Variants in EPHA6 observed in about 807,000 individuals in gnomAD.
EPHA6 encodes the protein EPH receptor A6, also known as ephrin type-A receptor 6.
EPHA6 carries 50 observed loss-of-function variants against 112.0 expected under a neutral mutation model. That is an observed-to-expected ratio of 0.45 (90% CI 0.36 to 0.56). The LOEUF (loss-of-function observed/expected upper bound fraction) is 0.56, where lower values mean the gene tolerates loss of function less well. Ranked by LOEUF, EPHA6 falls within the 20% of genes least tolerant of loss-of-function variation. The pLI is 0.00. For synonymous variants in EPHA6, 529 were observed against 490.7 expected, an observed-to-expected ratio of 1.08 and a Z score of -1.03; for missense variants, 1,280 against 1,417.4, an observed-to-expected ratio of 0.90 and a Z score of 1.56.
intron 3 of EPHA6, among the ~76,000 whole-genome samples, chr3:97,003,989 T>C (rs1277884321): frequency 6.6e-6 from 1 of 152,230 alleles, no homozygotes; most frequent in African/African-American, 2.4e-5. Context: ...TTTTTATGGC[T>C]GCATAGTATT....
At chr3:97,321,148 ACTT>A (rs1422971582) in intron 5 of EPHA6, among the ~76,000 whole-genome samples, 1 of 151,920 alleles carries the variant, frequency 6.6e-6, no homozygotes, top group Non-Finnish European at 1.5e-5. Context: ...ATGGTTTACT[ACTT>A]ATCTATTTGA....
intron 3 of EPHA6, among the ~76,000 whole-genome samples, chr3:97,176,314 G>A (rs2076834154): frequency 6.6e-6 from 1 of 151,796 alleles, no homozygotes; most frequent in Admixed American, 6.6e-5. Flanking sequence ...TTTAGTTGAG[G>A]ATTTTTTCAT....
intron 3 of EPHA6, among the ~76,000 whole-genome samples, chr3:97,071,183 T>C (rs2046342495): frequency 6.6e-6 from 1 of 151,994 alleles, no homozygotes; most frequent in Admixed American, 6.6e-5. Flanking sequence ...CACTATTCCT[T>C]CTTCAGCTTG....
chr3:97,315,907 A>G (rs1008713872), intron 5 of EPHA6, among the ~76,000 whole-genome samples: 1 of 151,804 alleles, frequency 6.6e-6, no homozygotes, highest in Non-Finnish European at 1.5e-5. Context: ...AAGTTTGTAT[A>G]GAATTTCAAA....
At chr3:96,815,077 T>C (rs2032654789) in intron 1 of EPHA6, 69 bp downstream of exon 1, 1 of 1,419,214 alleles carries the variant, frequency 7.0e-7, no homozygotes, top group Non-Finnish European at 9.3e-7. Context: ...AGGGTACTGG[T>C]TGCCTCCTGC....
intron 5 of EPHA6, among the ~76,000 whole-genome samples, chr3:97,371,909 T>A (rs2085080775): frequency 6.6e-6 from 1 of 152,104 alleles, no homozygotes. Context: ...CTTATTAGGA[T>A]GAGGAAATTC....
intron 5 of EPHA6, among the ~76,000 whole-genome samples, chr3:97,383,366 G>A (rs1207976986): frequency 1.3e-5 from 2 of 151,936 alleles, no homozygotes; most frequent in African/African-American, 4.8e-5. Context: ...CCCATATTTG[G>A]CTAACAAGTA....
In EPHA6 at chr3:96,846,187, G is replaced by A. The variant is rs372032244; in HGVS notation, c.386-20638G>A. ...TTTTCTGTATATCCTTGTCCCTAAT[G>A]TAAACTGTATTTTGATTGTGAGTAG... is the stretch of plus-strand genomic sequence containing the variant. On this transcript the variant is annotated intron_variant, in intron 1 of 17. Coordinates refer to ENST00000389672, the MANE Select transcript of EPHA6 (RefSeq NM_001080448.3). Among the ~76,000 whole-genome samples, 4 of 152,094 alleles carry A rather than the reference G, an allele frequency of 2.6e-5. No individual in the cohort carries two copies. The East Asian group carries it at 5.8e-4, about 22-fold the overall frequency.
At chr3:97,628,398 T>C (rs1405521041) in intron 13 of EPHA6, among the ~76,000 whole-genome samples, 1 of 151,956 alleles carries the variant, frequency 6.6e-6, no homozygotes, top group Non-Finnish European at 1.5e-5. Flanking sequence ...CTAATATACA[T>C]AAAACTCCTA....
rs565876907 is a variant in EPHA6 at position 97,577,073 on chromosome 3, G to A, written c.2387-15539G>A. ...ACTGTGTCTCCCAGGCTGGAGTGCAGTGGTACAATCATGGCCTACTGCAGA... is the reference window on the plus strand; with the variant it reads ...ACTGTGTCTCCCAGGCTGGAGTGCAATGGTACAATCATGGCCTACTGCAGA... On this transcript the variant is annotated intron_variant, in intron 11 of 17. Transcript: ENST00000389672. 2.6e-5 allele frequency among the ~76,000 whole-genome samples: 4 copies of A among 152,258 alleles called. No homozygotes were observed. The South Asian group carries it at 8.3e-4, about 32-fold the overall frequency.
intron 11 of EPHA6, among the ~76,000 whole-genome samples, chr3:97,566,058 C>T (rs1192976087): frequency 6.6e-6 from 1 of 151,350 alleles, no homozygotes; most frequent in African/African-American, 2.4e-5. Context: ...AATTGGCTCA[C>T]AGTTCTGCGA....
chr3:97,309,944 T>G (rs1414263523), intron 5 of EPHA6, among the ~76,000 whole-genome samples: 1 of 151,752 alleles, frequency 6.6e-6, no homozygotes, highest in South Asian at 2.1e-4. Flanking sequence ...TACTTTATAA[T>G]AACTTTGAAC....
chr3:97,391,835 C>G (rs2086415832), intron 5 of EPHA6, among the ~76,000 whole-genome samples: 1 of 151,840 alleles, frequency 6.6e-6, no homozygotes, highest in African/African-American at 2.4e-5. Flanking sequence ...TGGGAACTCT[C>G]TTCTAAAATG....
At chr3:97,458,653 AATATTGTTACATAAGT>A (rs1469398004) in intron 7 of EPHA6, among the ~76,000 whole-genome samples, 1 of 152,144 alleles carries the variant, frequency 6.6e-6, no homozygotes, top group Non-Finnish European at 1.5e-5. Context: ...CATTATTTTA[AATATTGTTACATAAGT>A]TGTTACCCTT....
chr3:97,038,759 T>TA (rs2045203514), intron 3 of EPHA6, among the ~76,000 whole-genome samples: 1 of 152,046 alleles, frequency 6.6e-6, no homozygotes, highest in Non-Finnish European at 1.5e-5. Flanking sequence ...GTTGTCTACT[T>TA]CAGTCTTACT....
At chr3:97,656,579 C>CT (rs1344095521) in intron 14 of EPHA6, among the ~76,000 whole-genome samples, 4 of 151,630 alleles carry the variant, frequency 2.6e-5, no homozygotes, top group African/African-American at 7.3e-5. Flanking sequence ...AAATAAATAC[C>CT]TTTTTTTCTT....
intron 11 of EPHA6, among the ~76,000 whole-genome samples, chr3:97,551,602 T>G (rs2093029811): frequency 6.6e-6 from 1 of 152,156 alleles, no homozygotes; most frequent in South Asian, 2.1e-4. Flanking sequence ...CATAGCCATA[T>G]ATTATATATA....
chr3:97,201,281 A>G (rs1465605513), intron 3 of EPHA6, among the ~76,000 whole-genome samples: 2 of 152,120 alleles, frequency 1.3e-5, no homozygotes, highest in Admixed American at 1.3e-4. Flanking sequence ...TTTACTCACT[A>G]AACACATCTA....
chr3:97,691,004 C>T (rs2107707615), intron 14 of EPHA6, among the ~76,000 whole-genome samples: 1 of 152,218 alleles, frequency 6.6e-6, no homozygotes, highest in Non-Finnish European at 1.5e-5. Flanking sequence ...GTCTAAGAAA[C>T]AATTGTCTAA....
Sources: allele counts gnomAD v4.1 joint callset (sites outside exome capture counted in the v4.1 genomes callset), GRCh38; gene constraint gnomAD v4.1.1; transcripts MANE v1.5; gene names NCBI Gene and HGNC (gene_info 2026-07-23, HGNC 2026-07-21).